The following CMIP variants were observed in gnomAD, a reference collection of about 807,000 sequenced individuals.
CMIP encodes c-Maf inducing protein, also known as C-Maf-inducing protein.
Under a neutral mutation model 97.3 loss-of-function variants are expected in CMIP, and 13 were observed. The ratio of observed to expected loss-of-function variants is 0.13; its 90% confidence interval spans 0.09 to 0.21. The LOEUF (loss-of-function observed/expected upper bound fraction) is 0.21. Ranked by LOEUF, CMIP falls within the 10% of genes least tolerant of loss-of-function variation. The pLI, the probability that CMIP is intolerant of heterozygous loss-of-function variation, is 1.00. For missense variants in CMIP, 847 were observed against 1,024.9 expected (o/e 0.83, Z 2.37); for synonymous variants, 538 against 436.3 (o/e 1.23, Z -2.91).
At position 81,652,898 on chromosome 16, in the gene CMIP, C is replaced by G. The variant is rs1221858746; in HGVS notation, c.639+534C>G. On this transcript the variant is annotated intron_variant, in intron 4 of 20. Transcript: ENST00000537098. This position sits in a 1 kb window ranked among gnomAD's most constrained non-coding sequence, Gnocchi z 5.2. ...CCTGTGCCATCTGCTTTGCTGGCCT[C>G]CTCGCATATTGAATGTGTGCTTTGT... 6.6e-6 allele frequency among the ~76,000 whole-genome samples: 1 copy of G among 152,146 alleles called. No homozygotes were observed. Among genetic ancestry groups the G allele is most frequent in the Admixed American group, 6.5e-5 (1 of 15,274 alleles).
At position 81,678,552 on chromosome 16, in the gene CMIP, T is replaced by C; in HGVS notation, c.1312T>C (p.Cys438Arg). ...CGACTGCCTCATGGTCAGCCCCGCCTGCAGCACCATGAGCATCGAGCTGGG... is the reference window on the plus strand; with the variant it reads ...CGACTGCCTCATGGTCAGCCCCGCCCGCAGCACCATGAGCATCGAGCTGGG... The part of the protein sequence containing the change: ...LIDCLMVSPA[C>R]STMSIELGPQ... Residue 438 changes from cysteine to arginine, a missense_variant, in exon 10 of 21, where the codon TGC becomes CGC. This residue lies in a region of CMIP where 202 missense variants were observed against 168.7 expected (regional missense o/e 1.20). Coordinates refer to ENST00000537098, the MANE Select transcript of CMIP (RefSeq NM_198390.3). 2.5e-6 allele frequency: 4 copies of C among 1,608,624 alleles called. No homozygotes were observed. The highest frequency in any genetic ancestry group is 3.4e-6 in the Non-Finnish European group (4 of 1,178,326).
Position 81,614,699 on chromosome 16 carries a change from T to TGGAATGTCTGCATGTGTGTGC in CMIP, c.427-6175_427-6174insAATGTCTGCATGTGTGTGCGG, listed in dbSNP as rs2091884278. On this transcript the variant is annotated intron_variant, in intron 2 of 20. Transcript: ENST00000537098. The surrounding 1 kb of genome is among the most constrained non-coding windows in gnomAD (Gnocchi z 5.3). The stretch of plus-strand genomic sequence containing the variant: ...TGGTTTATGTGTGTGTGTGTGTGTA[T>TGGAATGTCTGCATGTGTGTGC]GGTATGTCTGCATGTGTGTGCGTAC... Among the ~76,000 whole-genome samples the TGGAATGTCTGCATGTGTGTGC allele has an allele frequency of 6.6e-6, 1 of 150,834 alleles. No homozygotes were observed.
intron 1 of CMIP, among the ~76,000 whole-genome samples, chr16:81,541,426 A>G (rs1440957551): frequency 6.6e-6 from 1 of 152,188 alleles, no homozygotes; most frequent in African/African-American, 2.4e-5. Context: ...GTGATTTCAT[A>G]GGCCCAGCCA....
intron 9 of CMIP, among the ~76,000 whole-genome samples, chr16:81,677,554 G>A (rs571973902): frequency 1.3e-5 from 2 of 152,300 alleles, no homozygotes; most frequent in East Asian, 1.9e-4. Context: ...CCAGGTCAAG[G>A]CTCTGACAAG....
At chr16:81,483,484 G>A (rs2089263251) in intron 1 of CMIP, among the ~76,000 whole-genome samples, 1 of 152,200 alleles carries the variant, frequency 6.6e-6, no homozygotes, top group South Asian at 2.1e-4. Context: ...GGAGAGAGCT[G>A]TGTCTGCTCT....
At chr16:81,589,717 G>A (rs910473433) in intron 1 of CMIP, among the ~76,000 whole-genome samples, 1 of 152,308 alleles carries the variant, frequency 6.6e-6, no homozygotes, top group Non-Finnish European at 1.5e-5. Context: ...AAAAGTTTTT[G>A]TTGAACCAGA....
At position 81,616,373 on chromosome 16, in the gene CMIP, G is replaced by A. The variant is rs912830196; in HGVS notation, c.427-4503G>A. ...TGTGGGGAGGGCAGGGGCAGGCGCC[G>A]GAGTGTGCAGAGGCACCCCACTGCC... On this transcript the variant is annotated intron_variant, in intron 2 of 20. Coordinates refer to ENST00000537098, the MANE Select transcript of CMIP (RefSeq NM_198390.3). The surrounding 1 kb of genome is among the most constrained non-coding windows in gnomAD (Gnocchi z 4.7). Among the ~76,000 whole-genome samples, 1 of 152,196 alleles carries A rather than the reference G, an allele frequency of 6.6e-6. No homozygotes were observed. Among genetic ancestry groups the A allele is most frequent in the Admixed American group, 6.5e-5 (1 of 15,278 alleles).
At chr16:81,666,205 A>G (rs553421129) in intron 7 of CMIP, 2 of 152,312 alleles carry the variant, frequency 1.3e-5, no homozygotes, top group South Asian at 4.1e-4. Context: ...CTACGGGTGT[A>G]GTGTATGGAG....
chr16:81,487,890 C>G (rs991840293), intron 1 of CMIP, among the ~76,000 whole-genome samples: 1 of 152,222 alleles, frequency 6.6e-6, no homozygotes, highest in Non-Finnish European at 1.5e-5. Flanking sequence ...TGTTCCGGCT[C>G]TGCAAACACG....
chr16:81,624,740 A>T (rs554742187), intron 3 of CMIP, among the ~76,000 whole-genome samples: 9 of 152,350 alleles, frequency 5.9e-5, no homozygotes, highest in Non-Finnish European at 1.0e-4. Flanking sequence ...TGAGGGAGAC[A>T]CTAGGGTTCC....
chr16:81,501,219 T>A (rs1275549976), intron 1 of CMIP, among the ~76,000 whole-genome samples: 1 of 152,244 alleles, frequency 6.6e-6, no homozygotes, highest in Non-Finnish European at 1.5e-5. Flanking sequence ...AGTCTTGTCT[T>A]GCTAAGGAAT....
intron 19 of CMIP, among the ~76,000 whole-genome samples, chr16:81,706,617 C>G (rs1908173859): frequency 6.6e-6 from 1 of 152,214 alleles, no homozygotes; most frequent in Non-Finnish European, 1.5e-5. Flanking sequence ...GAGGTTGAGG[C>G]TTGCTTTCAA....
At chr16:81,634,343 G>C (rs1346674904) in intron 3 of CMIP, among the ~76,000 whole-genome samples, 2 of 152,202 alleles carry the variant, frequency 1.3e-5, no homozygotes, top group East Asian at 3.8e-4. Context: ...CTGACTCTCA[G>C]ATTAACCTTC....
chr16:81,695,533 TTC>T (rs1324260195), intron 13 of CMIP: 3 of 152,228 alleles, frequency 2.0e-5, no homozygotes, highest in Non-Finnish European at 4.4e-5. Context: ...GATGAGGAAC[TTC>T]TCTCAGCTTT....
intron 15 of CMIP, among the ~76,000 whole-genome samples, chr16:81,701,173 C>G (rs3751857): frequency 0.32 from 48,568 of 151,426 alleles, 8,142 homozygotes; most frequent in African/African-American, 0.4. Context: ...GGCTGTCAGG[C>G]GTGTTGACCC....
At chr16:81,638,507 G>A (rs868518716) in intron 3 of CMIP, among the ~76,000 whole-genome samples, 20 of 151,912 alleles carry the variant, frequency 1.3e-4, no homozygotes, top group African/African-American at 4.8e-4. Context: ...GAAACTGGTC[G>A]TATCCTTATC....
At position 81,633,327 on chromosome 16, in the gene CMIP, A is replaced by G. The variant is rs571979273; in HGVS notation, c.477+12401A>G. 7.9e-5 allele frequency among the ~76,000 whole-genome samples: 12 copies of G among 152,300 alleles called. No homozygotes were observed. In the East Asian group the frequency reaches 2.3e-3, roughly 29 times the overall value. ...ACCTTGGCCAGGTGTCCAGCCTGGA[A>G]GAGGGAGGTGGCCTGCCATTCTTTT... On this transcript the variant is annotated intron_variant, in intron 3 of 20. Coordinates refer to ENST00000537098, the MANE Select transcript of CMIP (RefSeq NM_198390.3).
At chr16:81,626,418 G>A (rs146405995) in intron 3 of CMIP, among the ~76,000 whole-genome samples, 36 of 149,922 alleles carry the variant, frequency 2.4e-4, no homozygotes, top group African/African-American at 8.3e-4. Flanking sequence ...GTGACTATGA[G>A]TGTGTGTGGG....
chr16:81,472,831 C>A (rs1415005061), intron 1 of CMIP, among the ~76,000 whole-genome samples: 3 of 152,120 alleles, frequency 2.0e-5, no homozygotes, highest in African/African-American at 7.2e-5. Flanking sequence ...GGAGGGACAT[C>A]CAGGGGCACA....
Sources: gnomAD v4.1 joint callset for allele counts (sites outside exome capture counted in the v4.1 genomes callset) on GRCh38, gnomAD v4.1.1 for gene constraint, gnomAD v4.1.1 regional missense constraint, Gnocchi (gnomAD v3.1) non-coding constraint, MANE v1.5 for transcripts, NCBI Gene and HGNC (gene_info 2026-07-23, HGNC 2026-07-21) for gene names.